The following MID1 variants were observed in gnomAD, a reference collection of about 807,000 sequenced individuals.
MID1 encodes midline 1.
Under a neutral mutation model 40.4 loss-of-function variants are expected in MID1, and 7 were observed. That is an observed-to-expected ratio of 0.17 (90% CI 0.10 to 0.33). MID1 has a LOEUF of 0.33. Ranked by LOEUF, MID1 falls within the 10% of genes least tolerant of loss-of-function variation. MID1 has a pLI of 1.00. For missense variants in MID1, 367 were observed against 558.5 expected, an observed-to-expected ratio of 0.66 and a Z score of 3.46; for synonymous variants, 229 against 221.2, an observed-to-expected ratio of 1.04 and a Z score of -0.31.
At chrX:10,701,522 A>C (rs1602525145) in intron 1 of MID1, among the ~76,000 whole-genome samples, 1 of 112,047 alleles carries the variant, frequency 8.9e-6, no homozygotes, top group East Asian at 2.8e-4. Context: ...TTCTTTGGGA[A>C]GCTCAGAATT....
At chrX:10,577,924 A>G (rs888256990) in intron 1 of MID1, among the ~76,000 whole-genome samples, 1 of 111,704 alleles carries the variant, frequency 9.0e-6, no homozygotes, top group Non-Finnish European at 1.9e-5. Context: ...AATCATCAGG[A>G]AAGTGTTTAA....
At chrX:10,546,448 T>G (rs1933683527) in intron 2 of MID1, among the ~76,000 whole-genome samples, 1 of 112,072 alleles carries the variant, frequency 8.9e-6, no homozygotes, top group Non-Finnish European at 1.9e-5. Flanking sequence ...TTATATATTT[T>G]TATATATCTT....
At chrX:10,826,930 C>T (rs768796420) in intron 1 of MID1, among the ~76,000 whole-genome samples, 16 of 111,848 alleles carry the variant, frequency 1.4e-4, no homozygotes, top group African/African-American at 3.9e-4. Context: ...CCTGCCCTCT[C>T]TCCATTCCTC....
chrX:10,720,156 C>A lies in MID1; in HGVS notation c.-186-99737G>T, dbSNP rs1193057648. Among the ~76,000 whole-genome samples, 346 of 111,748 alleles carry A rather than the reference C, an allele frequency of 3.1e-3. 1 individual carries two copies. The highest frequency in any genetic ancestry group is 0.011 in the African/African-American group (327 of 30,782). ...GGCATGGGCAAGGACTTCATGTCTA[C>A]AACACCAAAAGCAATGGCAACAAAA... On this transcript the variant is annotated intron_variant, in intron 1 of 10. Transcript: ENST00000380785.
intron 1 of MID1, among the ~76,000 whole-genome samples, chrX:10,823,417 C>T (rs1192907836): frequency 9.0e-6 from 1 of 111,026 alleles, no homozygotes; most frequent in Non-Finnish European, 1.9e-5. Flanking sequence ...CAAACCATCA[C>T]GGCACATGTT....
At chrX:10,755,600 G>A (rs750696494) in intron 1 of MID1, among the ~76,000 whole-genome samples, 5 of 112,143 alleles carry the variant, frequency 4.5e-5, no homozygotes, top group African/African-American at 9.7e-5. Context: ...GCCAGGGGTC[G>A]TTATCGACAG....
At chrX:10,729,364 G>A (rs114228064) in intron 1 of MID1, among the ~76,000 whole-genome samples, 4,127 of 111,914 alleles carry the variant, frequency 0.037, 163 homozygotes, top group African/African-American at 0.12. Flanking sequence ...CTTGGCTACC[G>A]AATGCTAATC....
chrX:10,679,615 A>G lies in MID1; in HGVS notation c.-186-59196T>C, dbSNP rs778203023. On this transcript the variant is annotated intron_variant, in intron 1 of 10. Transcript: ENST00000380785. ...CAGTATTGAACTGCTTGGTCCACAG[A>G]GCTGAAAATGTTTACTCTCTGGCCC... Among the ~76,000 whole-genome samples the G allele has an allele frequency of 7.1e-5, 8 of 112,106 alleles. 1 individual carries two copies. The South Asian group carries it at 2.6e-3, about 37-fold the overall frequency.
At chrX:10,771,658 A>ATTTTTTTTTT (rs765034374) in intron 1 of MID1, among the ~76,000 whole-genome samples, 153 of 82,226 alleles carry the variant, frequency 1.9e-3, no homozygotes, top group Non-Finnish European at 2.5e-3. Flanking sequence ...TGCCTGGCTA[A>ATTTTTTTTTT]TTTTTTTTTT....
chrX:10,728,922 G>A (rs947398093), intron 1 of MID1, among the ~76,000 whole-genome samples: 4 of 111,724 alleles, frequency 3.6e-5, no homozygotes, highest in Admixed American at 1.9e-4. Flanking sequence ...AATAGGCAGC[G>A]TGTTTCCCAT....
rs1261236225 is a variant in MID1 at position 10,445,750 on chromosome X, T to C, written c.*3618A>G. The C allele has an allele frequency of 8.9e-6, 1 of 111,816 alleles. No homozygotes were observed. The highest frequency in any genetic ancestry group is 1.9e-5 in the Non-Finnish European group (1 of 53,183). 9.2% of individuals were successfully genotyped at this position (111,816 alleles called of 1,213,427 possible). ...ACAGATGATGATACTTATCAGTGAT[T>C]CCCATTTACACAGGCTTGGATTGCT... On this transcript the variant is annotated 3_prime_UTR_variant, in exon 10 of 10. Coordinates refer to ENST00000317552, the MANE Select transcript of MID1 (RefSeq NM_000381.4).
At chrX:10,695,308 G>A (rs991555351) in intron 1 of MID1, among the ~76,000 whole-genome samples, 2 of 111,188 alleles carry the variant, frequency 1.8e-5, no homozygotes, top group Admixed American at 9.6e-5. Flanking sequence ...TGCATTTCTT[G>A]TAGAGATGGG....
At chrX:10,832,665 C>A (rs2044260510) in intron 1 of MID1, among the ~76,000 whole-genome samples, 1 of 112,239 alleles carries the variant, frequency 8.9e-6, no homozygotes, top group Non-Finnish European at 1.9e-5. Flanking sequence ...GATTCCAAAT[C>A]ACTTTTGACA....
Position 10,545,373 on chromosome X carries a change from C to A in MID1, c.660+21515G>T, listed in dbSNP as rs1280602567. ...GTAAAACCCAAAGTAAAGAACATTA[C>A]GGGAAATTTCGGCCTTTCTTTCGTT... On this transcript the variant is annotated intron_variant, in intron 2 of 9. Coordinates refer to ENST00000317552, the MANE Select transcript of MID1 (RefSeq NM_000381.4). 3.6e-5 allele frequency among the ~76,000 whole-genome samples: 4 copies of A among 111,984 alleles called. No homozygotes were observed. In the East Asian group the frequency reaches 1.1e-3, roughly 31 times the overall value.
intron 1 of MID1, among the ~76,000 whole-genome samples, chrX:10,780,670 T>A (rs761837333): frequency 1.8e-5 from 2 of 111,916 alleles, no homozygotes; most frequent in African/African-American, 6.5e-5. Context: ...GAAACACAGA[T>A]GAAAGAAGTG....
chrX:10,784,576 C>T (rs182440938), intron 1 of MID1, among the ~76,000 whole-genome samples: 169 of 106,889 alleles, frequency 1.6e-3, no homozygotes, highest in Non-Finnish European at 2.8e-3. Flanking sequence ...CTCCCGAGTA[C>T]CTGGGATTAC....
At chrX:10,485,887 T>C (rs1417870666) in intron 4 of MID1, among the ~76,000 whole-genome samples, 1 of 111,456 alleles carries the variant, frequency 9.0e-6, no homozygotes, top group Admixed American at 9.6e-5. Context: ...TAAGATTTAG[T>C]GTACATAAAA....
Position 10,718,094 on chromosome X carries a change from G to A in MID1, c.-186-97675C>T, listed in dbSNP as rs763524135. Among the ~76,000 whole-genome samples the A allele has an allele frequency of 3.0e-3, 337 of 111,600 alleles. 2 individuals carry two copies. Among genetic ancestry groups the A allele is most frequent in the African/African-American group, 0.01 (323 of 30,797 alleles). Reference sequence around the variant, plus strand: ...CACTAAATGCCCACAAGAGAAAGCAGGAAAGATCTAAAATTGACACCCTAA... The same window carrying A: ...CACTAAATGCCCACAAGAGAAAGCAAGAAAGATCTAAAATTGACACCCTAA... On this transcript the variant is annotated intron_variant, in intron 1 of 10. Transcript: ENST00000380785.
chrX:10,603,097 T>C (rs995353307), intron 1 of MID1, among the ~76,000 whole-genome samples: 4 of 112,477 alleles, frequency 3.6e-5, no homozygotes, highest in African/African-American at 1.3e-4. Flanking sequence ...ACTTTCCAAG[T>C]ACCTGGAAAA....
Sources: allele counts gnomAD v4.1 joint callset (sites outside exome capture counted in the v4.1 genomes callset), GRCh38; gene constraint gnomAD v4.1.1; transcripts MANE v1.5; gene names NCBI Gene and HGNC (gene_info 2026-07-23, HGNC 2026-07-21).